Variants in TAFA1 observed in about 807,000 individuals in gnomAD.
TAFA1 encodes the protein chemokine-like protein TAFA-1.
In TAFA1, 4 loss-of-function variants were observed where a neutral mutation model predicts 18.5. The observed-to-expected ratio is 0.22, with a 90% CI of 0.11 to 0.49. TAFA1 has a LOEUF of 0.49. Among genes scored for constraint, TAFA1 ranks in the 20% least tolerant of loss-of-function variants. The pLI is 0.98. For missense variants in TAFA1, 147 were observed against 169.0 expected (o/e 0.87, Z 0.72); for synonymous variants, 56 against 55.2 (o/e 1.01, Z -0.06).
At chr3:68,370,451 T>TATATAC (rs2069672590) in intron 2 of TAFA1, among the ~76,000 whole-genome samples, 2 of 42,170 alleles carry the variant, frequency 4.7e-5, no homozygotes, top group African/African-American at 1.3e-4. Flanking sequence ...CATATGTATA[T>TATATAC]ATATGTGTGT....
the TAFA1 span, among the ~76,000 whole-genome samples, chr3:67,999,074 CAATACAGTA>C: frequency 6.6e-6 from 1 of 152,110 alleles, no homozygotes; most frequent in Non-Finnish European, 1.5e-5. Flanking sequence ...CTGTGCTGTC[CAATACAGTA>C]GCTATCAACC....
chr3:68,500,578 T>G lies in TAFA1; in HGVS notation c.260-38178T>G, dbSNP rs185830221. ...ACTAGTTTTTAATAAAGTTTTATTGTAACTTAGTCACACCCATTTGTTTAT... is the reference window on the plus strand; with the variant it reads ...ACTAGTTTTTAATAAAGTTTTATTGGAACTTAGTCACACCCATTTGTTTAT... On this transcript the variant is annotated intron_variant, in intron 3 of 4. Coordinates refer to ENST00000478136, the MANE Select transcript of TAFA1 (RefSeq NM_213609.4). Among the ~76,000 whole-genome samples, 389 of 152,288 alleles carry G rather than the reference T, an allele frequency of 2.6e-3. 3 individuals are homozygous for G. Among genetic ancestry groups the G allele is most frequent in the African/African-American group, 8.3e-3 (346 of 41,572 alleles).
intron 2 of TAFA1, among the ~76,000 whole-genome samples, chr3:68,037,894 G>A (rs1437345214): frequency 6.6e-6 from 1 of 152,178 alleles, no homozygotes; most frequent in Non-Finnish European, 1.5e-5. Flanking sequence ...AAGTGGGAAT[G>A]CAATCCAAAG....
intron 2 of TAFA1, among the ~76,000 whole-genome samples, chr3:68,327,218 TC>T (rs1426721446): frequency 1.3e-5 from 2 of 152,204 alleles, no homozygotes. Context: ...TAAACCTCTT[TC>T]CTTTATAAAT....
chr3:68,337,406 A>T (rs150547514), intron 2 of TAFA1, among the ~76,000 whole-genome samples: 4,924 of 152,060 alleles, frequency 0.032, 278 homozygotes, highest in African/African-American at 0.11. Context: ...TGATCCAATC[A>T]CCTCCCACCA....
At chr3:68,429,765 C>A (rs2071132297) in intron 3 of TAFA1, among the ~76,000 whole-genome samples, 2 of 151,858 alleles carry the variant, frequency 1.3e-5, no homozygotes, top group Non-Finnish European at 1.5e-5. Context: ...CTTCTTCATA[C>A]CATCTGACTC....
chr3:68,291,361 AT>A (rs1053239952), intron 2 of TAFA1, among the ~76,000 whole-genome samples: 55 of 152,012 alleles, frequency 3.6e-4, no homozygotes, highest in African/African-American at 6.7e-4. Flanking sequence ...GTATTTACAT[AT>A]TTTTTTTACA....
At chr3:68,537,043 A>G (rs73835306) in intron 3 of TAFA1, among the ~76,000 whole-genome samples, 372 of 152,208 alleles carry the variant, frequency 2.4e-3, no homozygotes, top group African/African-American at 6.7e-3. Flanking sequence ...GATAAACCCT[A>G]ATGCTTGGTG....
At chr3:68,216,825 T>A (rs767148613) in intron 2 of TAFA1, among the ~76,000 whole-genome samples, 170 of 152,174 alleles carry the variant, frequency 1.1e-3, no homozygotes, top group Non-Finnish European at 1.9e-3. Context: ...GAGCCAGCAC[T>A]GGAGCAATGA....
intron 3 of TAFA1, among the ~76,000 whole-genome samples, chr3:68,419,806 A>C (rs921611542): frequency 3.3e-5 from 5 of 152,194 alleles, no homozygotes; most frequent in African/African-American, 1.2e-4. Context: ...GGCTAAGTAA[A>C]GAGGAAGTAT....
At chr3:68,353,293 T>G (rs1262379505) in intron 2 of TAFA1, among the ~76,000 whole-genome samples, 1 of 152,120 alleles carries the variant, frequency 6.6e-6, no homozygotes, top group Non-Finnish European at 1.5e-5. Flanking sequence ...TTTGGTTGTC[T>G]CTGTTCCTAG....
chr3:68,026,566 T>C (rs1001755519), intron 2 of TAFA1, among the ~76,000 whole-genome samples: 1 of 152,132 alleles, frequency 6.6e-6, no homozygotes, highest in African/African-American at 2.4e-5. Flanking sequence ...TACATCTGTA[T>C]ATATTATTTA....
intron 3 of TAFA1, among the ~76,000 whole-genome samples, chr3:68,473,001 G>T (rs1357436261): frequency 6.6e-6 from 1 of 152,112 alleles, no homozygotes. Flanking sequence ...AAATTTTTAG[G>T]AGATTACTTT....
At chr3:68,349,801 T>G (rs1415700241) in intron 2 of TAFA1, among the ~76,000 whole-genome samples, 1 of 152,096 alleles carries the variant, frequency 6.6e-6, no homozygotes. Flanking sequence ...ATTATGAACA[T>G]CTGATCTAGA....
intron 2 of TAFA1, among the ~76,000 whole-genome samples, chr3:68,239,963 C>A (rs1018668421): frequency 6.6e-6 from 1 of 152,162 alleles, no homozygotes; most frequent in Non-Finnish European, 1.5e-5. Context: ...CTTATACATT[C>A]TGAAATCTGA....
intron 3 of TAFA1, among the ~76,000 whole-genome samples, chr3:68,531,705 T>G (rs1156947309): frequency 2.0e-5 from 3 of 152,098 alleles, no homozygotes; most frequent in Non-Finnish European, 4.4e-5. Context: ...CTTCAGGTGT[T>G]TTCTATCTGT....
At position 68,535,516 on chromosome 3, in the gene TAFA1, A is replaced by G. The variant is rs574758272; in HGVS notation, c.260-3240A>G. On this transcript the variant is annotated intron_variant, in intron 3 of 4. Coordinates refer to ENST00000478136, the MANE Select transcript of TAFA1 (RefSeq NM_213609.4). ...TGAATACAGCTATTTAGAAGATTTT[A>G]CCACCTATGCTTGCTGGCCATATCC... is the stretch of plus-strand genomic sequence containing the variant. Among the ~76,000 whole-genome samples the G allele has an allele frequency of 2.6e-5, 4 of 152,292 alleles. No homozygotes were observed. In the South Asian group the frequency reaches 6.2e-4, roughly 24 times the overall value.
At chr3:68,336,748 G>A (rs1224191095) in intron 2 of TAFA1, among the ~76,000 whole-genome samples, 1 of 152,146 alleles carries the variant, frequency 6.6e-6, no homozygotes, top group Non-Finnish European at 1.5e-5. Context: ...TTATTGAGAT[G>A]GAGTTTTGAT....
intron 2 of TAFA1, among the ~76,000 whole-genome samples, chr3:68,338,133 A>G (rs1295138869): frequency 6.6e-6 from 1 of 152,200 alleles, no homozygotes; most frequent in Non-Finnish European, 1.5e-5. Flanking sequence ...TGGATCTTTC[A>G]TGCCTGTTGT....
Sources: gnomAD v4.1 joint callset for allele counts (sites outside exome capture counted in the v4.1 genomes callset) on GRCh38, gnomAD v4.1.1 for gene constraint, MANE v1.5 for transcripts, NCBI Gene and HGNC (gene_info 2026-07-23, HGNC 2026-07-21) for gene names.